The following NNT variants were observed in gnomAD, a reference collection of about 807,000 sequenced individuals.
NNT encodes NAD(P) transhydrogenase, mitochondrial.
A neutral mutation model predicts 104.8 loss-of-function variants in NNT; 50 were observed. The ratio of observed to expected loss-of-function variants is 0.48; its 90% CI spans 0.38 to 0.60. NNT has a LOEUF of 0.60. Among genes scored for constraint, NNT ranks in the 20% least tolerant of loss-of-function variants. The pLI is 0.00. For synonymous variants in NNT, 461 were observed against 490.4 expected (o/e 0.94, Z 0.79); for missense variants, 1,131 against 1,330.7 (o/e 0.85, Z 2.33).
chr5:43,617,446 G>A lies in NNT; in HGVS notation c.599+1381G>A, dbSNP rs146741009. Among the ~76,000 whole-genome samples, 476 of 152,124 alleles carry A rather than the reference G, an allele frequency of 3.1e-3. 1 individual carries two copies. Among genetic ancestry groups the A allele is most frequent in the Middle Eastern group, 6.8e-3 (2 of 294 alleles). Reference sequence around the variant, plus strand: ...CAGGGACCCAGGGATCACAATTTGAGGAATCACTCTTCTATGTCCTGAGCT... The same window carrying A: ...CAGGGACCCAGGGATCACAATTTGAAGAATCACTCTTCTATGTCCTGAGCT... On this transcript the variant is annotated intron_variant, in intron 4 of 21. Transcript: ENST00000344920.
At chr5:43,643,924 AGTGCTG>A (rs1751367204) in intron 7 of NNT, among the ~76,000 whole-genome samples, 1 of 152,212 alleles carries the variant, frequency 6.6e-6, no homozygotes, top group Admixed American at 6.5e-5. Context: ...TAGGGAGAGC[AGTGCTG>A]AGATTCTCAT....
At chr5:43,665,903 A>C (rs1740632466) in intron 17 of NNT, among the ~76,000 whole-genome samples, 1 of 151,140 alleles carries the variant, frequency 6.6e-6, no homozygotes, top group African/African-American at 2.4e-5. Context: ...GATGCTCCTC[A>C]CTTCCCGGAC....
At chr5:43,678,797 T>A (rs1352238019) in intron 19 of NNT, among the ~76,000 whole-genome samples, 1 of 152,186 alleles carries the variant, frequency 6.6e-6, no homozygotes, top group Non-Finnish European at 1.5e-5. Flanking sequence ...TGAAAGAAAC[T>A]TAGATGATGA....
intron 10 of NNT, among the ~76,000 whole-genome samples, chr5:43,647,006 A>G (rs1039171318): frequency 6.6e-6 from 1 of 152,246 alleles, no homozygotes; most frequent in African/African-American, 2.4e-5. Context: ...CAAAGAATGA[A>G]TTAAAAATGT....
At chr5:43,675,463 C>T (rs377178446) in intron 17 of NNT, 48 bp from the exon 18 acceptor site, 1 of 1,535,040 alleles carries the variant, frequency 6.5e-7, no homozygotes, top group East Asian at 2.3e-5. Context: ...ACTATTCTCA[C>T]AAAGTTATGT....
intron 7 of NNT, among the ~76,000 whole-genome samples, chr5:43,629,571 G>A (rs1392194723): frequency 6.6e-6 from 1 of 152,162 alleles, no homozygotes; most frequent in Non-Finnish European, 1.5e-5. Flanking sequence ...CATAGTGGTT[G>A]TACTAGTTTA....
At chr5:43,621,979 T>C (rs1579988622) in intron 5 of NNT, among the ~76,000 whole-genome samples, 1 of 152,144 alleles carries the variant, frequency 6.6e-6, no homozygotes, top group East Asian at 1.9e-4. Flanking sequence ...GGCTGGATCA[T>C]GTGGGTCCTC....
chr5:43,682,337 A>G (rs1741766786), intron 19 of NNT, among the ~76,000 whole-genome samples: 1 of 151,300 alleles, frequency 6.6e-6, no homozygotes, highest in Non-Finnish European at 1.5e-5. Flanking sequence ...CAGCCTCCCA[A>G]GTAGCTGGGA....
rs1743079832 is a variant in NNT at position 43,705,829 on chromosome 5, T to A, written c.*1425T>A. The A allele has an allele frequency of 6.6e-6, 1 of 151,956 alleles. No homozygotes were observed. The highest frequency in any genetic ancestry group is 2.1e-4 in the South Asian group (1 of 4,828). 9.4% of individuals were successfully genotyped at this position (151,956 alleles called of 1,614,324 possible). On this transcript the variant is annotated 3_prime_UTR_variant, in exon 22 of 22. Transcript: ENST00000344920. ...AAAGCAGAAAAGACTTTTTTAAAAG[T>A]TTTAAGTGATAAATGCAATTTGTTA...
At chr5:43,608,455 A>G (rs1749336822) in intron 1 of NNT, among the ~76,000 whole-genome samples, 2 of 152,220 alleles carry the variant, frequency 1.3e-5, no homozygotes, top group Non-Finnish European at 2.9e-5. Flanking sequence ...GTTCATAGTT[A>G]TGGCCACATC....
intron 18 of NNT, among the ~76,000 whole-genome samples, chr5:43,676,203 C>T (rs1408751476): frequency 1.3e-5 from 2 of 152,116 alleles, no homozygotes; most frequent in East Asian, 3.9e-4. Context: ...TGACATTGCC[C>T]AAGTCATTTA....
chr5:43,675,681 A>T lies in NNT; in HGVS notation c.2794+11A>T, dbSNP rs778426827. On this transcript the variant is annotated intron_variant, in intron 18 of 21. Transcript: ENST00000344920. ...TTATTATTACACCAGGTAAAGAAAAAAAGCAAAAGCAAATAACCTATAATA... is the reference window on the plus strand; with the variant it reads ...TTATTATTACACCAGGTAAAGAAAATAAGCAAAAGCAAATAACCTATAATA... 6 of 1,578,918 alleles carry T rather than the reference A, an allele frequency of 3.8e-6. No individual in the cohort carries two copies. The South Asian group carries it at 7.1e-5, about 19-fold the overall frequency.
chr5:43,609,400 TA>T, intron 2 of NNT, 54 bp downstream of exon 2: 2 of 1,556,604 alleles, frequency 1.3e-6, no homozygotes, highest in Non-Finnish European at 1.8e-6. Context: ...TAGGAACTAA[TA>T]GATCTGATGA....
intron 17 of NNT, among the ~76,000 whole-genome samples, chr5:43,666,269 C>T (rs549856329): frequency 7.9e-5 from 12 of 152,104 alleles, no homozygotes; most frequent in African/African-American, 2.7e-4. Flanking sequence ...TGTAGCCAGC[C>T]GAGAGCATGC....
intron 7 of NNT, among the ~76,000 whole-genome samples, chr5:43,639,109 G>A (rs1445290816): frequency 6.6e-6 from 1 of 152,014 alleles, no homozygotes; most frequent in African/African-American, 2.4e-5. Context: ...TTGCTACATA[G>A]CAATGAGTTG....
chr5:43,620,253 T>C (rs184081396), intron 5 of NNT, among the ~76,000 whole-genome samples: 1 of 151,896 alleles, frequency 6.6e-6, no homozygotes, highest in Non-Finnish European at 1.5e-5. Flanking sequence ...GGAGTCTCAC[T>C]CTGTCACCCA....
intron 16 of NNT, among the ~76,000 whole-genome samples, chr5:43,658,906 C>T (rs572592269): frequency 4.6e-5 from 7 of 152,178 alleles, no homozygotes; most frequent in African/African-American, 1.7e-4. Context: ...GTAGACGCTT[C>T]TCCAGTTTCT....
At chr5:43,678,088 C>G (rs1162048850) in intron 19 of NNT, among the ~76,000 whole-genome samples, 1 of 152,060 alleles carries the variant, frequency 6.6e-6, no homozygotes, top group African/African-American at 2.4e-5. Flanking sequence ...CTAAGAAAAT[C>G]ATAAGGAAGA....
chr5:43,626,806 A>T (rs114633201), intron 6 of NNT, among the ~76,000 whole-genome samples: 2,085 of 150,662 alleles, frequency 0.014, 41 homozygotes, highest in African/African-American at 0.043. Context: ...ATATATATGT[A>T]TATGTGTATA....
Sources: allele counts gnomAD v4.1 joint callset (sites outside exome capture counted in the v4.1 genomes callset), GRCh38; gene constraint gnomAD v4.1.1; transcripts MANE v1.5; gene names NCBI Gene and HGNC (gene_info 2026-07-23, HGNC 2026-07-21).